Variants in FREM1 observed in about 807,000 individuals in gnomAD.
The protein encoded by FREM1 is FRAS1-related extracellular matrix protein 1.
A neutral mutation model predicts 210.1 loss-of-function variants in FREM1; 220 were observed. The ratio of observed to expected loss-of-function variants is 1.05; its 90% CI spans 0.94 to 1.17. The LOEUF is 1.17. Among genes scored for constraint, FREM1 ranks in the 50% most tolerant of loss-of-function variants. The probability of loss-of-function intolerance (pLI) is 0.00; values close to 1 mark genes in which losing one functional copy is unlikely to be tolerated. For synonymous variants in FREM1, 1,189 were observed against 980.2 expected, an observed-to-expected ratio of 1.21 and a Z score of -3.98; for missense variants, 3,454 against 2,675.5, an observed-to-expected ratio of 1.29 and a Z score of -6.42.
intron 27 of FREM1, among the ~76,000 whole-genome samples, chr9:14,765,452 T>C (rs1165140333): frequency 6.6e-6 from 1 of 152,196 alleles, no homozygotes; most frequent in Non-Finnish European, 1.5e-5. Flanking sequence ...TACACTCATG[T>C]AAAATGATTA....
intron 2 of FREM1, among the ~76,000 whole-genome samples, chr9:14,864,415 C>T (rs994386501): frequency 2.6e-5 from 4 of 152,090 alleles, no homozygotes; most frequent in African/African-American, 9.7e-5. Flanking sequence ...AAGCCACTGA[C>T]TATGGACACT....
At chr9:14,788,353 T>C (rs1850732789) in intron 23 of FREM1, among the ~76,000 whole-genome samples, 1 of 152,204 alleles carries the variant, frequency 6.6e-6, no homozygotes, top group African/African-American at 2.4e-5. Flanking sequence ...CTGACTCTGC[T>C]TAATTAACTC....
intron 22 of FREM1, 88 bp downstream of exon 22, chr9:14,792,655 G>C (rs1452540879): frequency 9.8e-7 from 1 of 1,024,832 alleles, no homozygotes; most frequent in Non-Finnish European, 1.4e-6. Context: ...GTCTATCAGA[G>C]AATAAATCCC....
chr9:14,840,517 G>T (rs928182670), intron 10 of FREM1, among the ~76,000 whole-genome samples: 30 of 152,210 alleles, frequency 2.0e-4, no homozygotes, highest in African/African-American at 7.2e-4. Flanking sequence ...CTTGTACAGG[G>T]GACCACCCGT....
chr9:14,888,843 T>C lies in FREM1; in HGVS notation c.-267-19599A>G, dbSNP rs1479593164. 1.2e-4 allele frequency among the ~76,000 whole-genome samples: 18 copies of C among 152,244 alleles called. 1 individual carries two copies. The highest frequency in any genetic ancestry group is 9.2e-4 in the Admixed American group (14 of 15,286). On this transcript the variant is annotated intron_variant, in intron 1 of 36. Transcript: ENST00000380880. ...CATTTATCAATGTATTTGCTTTTTC[T>C]GAAAATAACTTTTTTTAAAATATGA...
chr9:14,794,871 G>A lies in FREM1; in HGVS notation c.3840-1987C>T, dbSNP rs185841593. 1.3e-3 allele frequency among the ~76,000 whole-genome samples: 194 copies of A among 152,020 alleles called. 1 individual carries two copies. In the East Asian group the frequency reaches 0.03, roughly 23 times the overall value. ...AAATTAGCCAGGCGTGGTGGCAGGCGCCTGTAGTCCCAGCTACTTGGGAGG... is the reference window on the plus strand; with the variant it reads ...AAATTAGCCAGGCGTGGTGGCAGGCACCTGTAGTCCCAGCTACTTGGGAGG... On this transcript the variant is annotated intron_variant, in intron 21 of 36. Transcript: ENST00000380880.
At chr9:14,773,393 GAC>G (rs1429836060) in intron 25 of FREM1, among the ~76,000 whole-genome samples, 1 of 152,136 alleles carries the variant, frequency 6.6e-6, no homozygotes, top group East Asian at 1.9e-4. Flanking sequence ...ACTTATTTGG[GAC>G]AGTTTATCAC....
In FREM1 at chr9:14,846,004, A is replaced by G. The variant is rs1826533693; in HGVS notation, c.1349T>C (p.Leu450Pro). The change falls in exon 8 of 37, where the codon CTA becomes CCA. Residue 450 changes from leucine to proline, a missense_variant. Physicochemically the swap from Leu to Pro is moderately conservative, Grantham distance 98. Transcript: ENST00000380880. ...VDNDDIGAVR[L>P]VTVGGLQHGW... ...ATGCTGCAGGCCACCAACGGTGACTAGCCGGACAGCACCAATGTCGTCATT... is the reference window on the plus strand; with the variant it reads ...ATGCTGCAGGCCACCAACGGTGACTGGCCGGACAGCACCAATGTCGTCATT... 2 of 1,613,150 alleles carry G rather than the reference A, an allele frequency of 1.2e-6. No homozygotes were observed. Among genetic ancestry groups the G allele is most frequent in the Non-Finnish European group, 1.7e-6 (2 of 1,179,606 alleles).
chr9:14,839,620 A>G (rs572860450), intron 10 of FREM1, among the ~76,000 whole-genome samples: 4 of 152,230 alleles, frequency 2.6e-5, no homozygotes, highest in Non-Finnish European at 5.9e-5. Flanking sequence ...AGTTTGACCA[A>G]TTTGCCCAGA....
intron 23 of FREM1, 66 bp downstream of exon 23, chr9:14,788,853 G>GA: frequency 8.3e-7 from 1 of 1,205,360 alleles, no homozygotes; most frequent in Non-Finnish European, 1.2e-6. Context: ...AGAAAGAAAC[G>GA]AATGTGGAAT....
intron 1 of FREM1, among the ~76,000 whole-genome samples, chr9:14,896,141 G>T (rs763018985): frequency 9.2e-5 from 14 of 151,608 alleles, no homozygotes; most frequent in Non-Finnish European, 1.9e-4. Context: ...TCAAGATGGG[G>T]ATAAAAGTGA....
intron 8 of FREM1, among the ~76,000 whole-genome samples, chr9:14,845,156 A>C (rs967451130): frequency 6.6e-6 from 1 of 152,230 alleles, no homozygotes; most frequent in African/African-American, 2.4e-5. Context: ...ATTTTATCAT[A>C]AAGTGTAAAT....
At chr9:14,827,019 T>C (rs1822585862) in intron 10 of FREM1, among the ~76,000 whole-genome samples, 1 of 152,224 alleles carries the variant, frequency 6.6e-6, no homozygotes, top group Non-Finnish European at 1.5e-5. Context: ...AGTTAGGTAC[T>C]GAAATACCTG....
At chr9:14,773,273 A>G (rs1005133879) in intron 25 of FREM1, among the ~76,000 whole-genome samples, 1 of 152,204 alleles carries the variant, frequency 6.6e-6, no homozygotes, top group African/African-American at 2.4e-5. Context: ...CTACCAAATG[A>G]ATGTCAGGTT....
rs1824657993 is a variant in FREM1 at position 14,836,611 on chromosome 9, T to C, written c.1881+4836A>G. On this transcript the variant is annotated intron_variant, in intron 10 of 36. Coordinates refer to ENST00000380880, the MANE Select transcript of FREM1 (RefSeq NM_001379081.2). The surrounding 1 kb of genome is among the most constrained non-coding windows in gnomAD (Gnocchi z 4.9). ...CCTTTATTAAGCCCTCTCTTGCTTATATGTCTTGAATTGATATTTGGACGT... is the reference window on the plus strand; with the variant it reads ...CCTTTATTAAGCCCTCTCTTGCTTACATGTCTTGAATTGATATTTGGACGT... Among the ~76,000 whole-genome samples, 1 of 152,222 alleles carries C rather than the reference T, an allele frequency of 6.6e-6. No homozygotes were observed. Among genetic ancestry groups the C allele is most frequent in the Non-Finnish European group, 1.5e-5 (1 of 68,038 alleles).
chr9:14,875,041 T>A (rs928918875), intron 1 of FREM1, among the ~76,000 whole-genome samples: 1 of 152,226 alleles, frequency 6.6e-6, no homozygotes, highest in Non-Finnish European at 1.5e-5. Flanking sequence ...AGATCCGCTG[T>A]TAGTCTGATG....
intron 26 of FREM1, 150 bp downstream of exon 26, chr9:14,770,455 T>TATAA: frequency 3.3e-6 from 2 of 608,586 alleles, no homozygotes; most frequent in Admixed American, 2.8e-5. Flanking sequence ...AAACCCTCTT[T>TATAA]AGGAGCAATA....
intron 1 of FREM1, among the ~76,000 whole-genome samples, chr9:14,879,884 G>C (rs1390943557): frequency 1.3e-5 from 2 of 152,162 alleles, no homozygotes; most frequent in South Asian, 4.1e-4. Context: ...CAATATGATA[G>C]GGGCAATATA....
intron 14 of FREM1, among the ~76,000 whole-genome samples, chr9:14,817,087 G>C (rs1820442527): frequency 6.6e-6 from 1 of 152,206 alleles, no homozygotes; most frequent in East Asian, 1.9e-4. Flanking sequence ...GGAAAAATGT[G>C]TTATATGCAT....
Sources: gnomAD v4.1 joint callset for allele counts (sites outside exome capture counted in the v4.1 genomes callset) on GRCh38, gnomAD v4.1.1 for gene constraint, Gnocchi (gnomAD v3.1) non-coding constraint, MANE v1.5 for transcripts, NCBI Gene and HGNC (gene_info 2026-07-23, HGNC 2026-07-21) for gene names.